NCOA7: variants seen among roughly 807,000 people sequenced by gnomAD.
NCOA7 encodes nuclear receptor coactivator 7, also known as 140 kDa estrogen receptor-associated protein.
NCOA7 carries 45 observed loss-of-function variants against 104.3 expected under a neutral mutation model. The observed-to-expected ratio is 0.43, with a 90% confidence interval of 0.34 to 0.55. NCOA7 has a LOEUF of 0.55. Ranked by LOEUF, NCOA7 falls within the 20% of genes least tolerant of loss-of-function variation. The pLI, the probability that NCOA7 is intolerant of heterozygous loss-of-function variation, is 0.02. For missense variants in NCOA7, 1,041 were observed against 1,119.7 expected (o/e 0.93, Z 1.00); for synonymous variants, 398 against 402.3 (o/e 0.99, Z 0.13).
Position 125,885,310 on chromosome 6 carries a change from T to A in NCOA7, c.851T>A (p.Ile284Asn). The A allele has an allele frequency of 6.2e-7, 1 of 1,613,876 alleles. No homozygotes were observed. The highest frequency in any genetic ancestry group is 8.5e-7 in the Non-Finnish European group (1 of 1,179,826). The stretch of plus-strand genomic sequence containing the variant: ...GTTTCCATTGCGCTCTACAATGACA[T>A]TTCTCACATGAAGATCAAAGATGCC... ...EVVSIALYNDISHMKIKDALP... is the reference protein window; with the variant it reads ...EVVSIALYNDNSHMKIKDALP... The change falls in exon 8 of 16, where the codon ATT becomes AAT. Residue 284 changes from isoleucine (I) to asparagine (N), a missense_variant. Physicochemically the swap from Ile to Asn is moderately radical, Grantham distance 149. This residue lies in a region of NCOA7 where 914 missense variants were observed against 942.7 expected (regional missense o/e 0.97). Transcript: ENST00000392477.
intron 10 of NCOA7, among the ~76,000 whole-genome samples, chr6:125,911,989 G>A (rs1241642764): frequency 6.6e-6 from 1 of 152,218 alleles, no homozygotes; most frequent in Non-Finnish European, 1.5e-5. Flanking sequence ...TGAAACATTC[G>A]TTAACTCGGT....
chr6:125,884,881 C>G (rs1784132251), intron 7 of NCOA7, among the ~76,000 whole-genome samples: 1 of 152,166 alleles, frequency 6.6e-6, no homozygotes, highest in African/African-American at 2.4e-5. Flanking sequence ...CATGTGAGAA[C>G]CAGGATCACT....
chr6:125,840,228 T>C (rs1780001617), intron 2 of NCOA7, among the ~76,000 whole-genome samples: 2 of 152,090 alleles, frequency 1.3e-5, no homozygotes, highest in African/African-American at 2.4e-5. Flanking sequence ...AAAAAGCTTA[T>C]AGAATAAGCA....
chr6:125,815,312 AAG>A lies in NCOA7; in HGVS notation c.-40_-39del, dbSNP rs751377483. 8 of 1,509,166 alleles carry A rather than the reference AAG, an allele frequency of 5.3e-6. No homozygotes were observed. The highest frequency in any genetic ancestry group is 1.7e-4 in the Middle Eastern group (1 of 5,872). The allele number at this position is 1,509,166 out of a possible 1,614,324, so 93.5% of individuals were successfully genotyped here. On this transcript the variant is annotated 5_prime_UTR_variant, in exon 2 of 16. Coordinates refer to ENST00000392477, the MANE Select transcript of NCOA7 (RefSeq NM_181782.5). ...ACAGGGTTACGACTCACTGATTAAAAAGAGGGACTTTTTCAAATACTTTGCAC... is the reference window on the plus strand; with the variant it reads ...ACAGGGTTACGACTCACTGATTAAAAAGGGACTTTTTCAAATACTTTGCAC...
At chr6:125,914,295 G>A (rs1050658868) in intron 10 of NCOA7, among the ~76,000 whole-genome samples, 2 of 152,208 alleles carry the variant, frequency 1.3e-5, no homozygotes, top group Admixed American at 1.3e-4. Flanking sequence ...GACTAGCAAT[G>A]TGGTAAAAGT....
At chr6:125,901,120 C>A (rs1252923432) in intron 10 of NCOA7, among the ~76,000 whole-genome samples, 3 of 152,216 alleles carry the variant, frequency 2.0e-5, no homozygotes, top group African/African-American at 7.2e-5. Flanking sequence ...CATGCATATG[C>A]GTTTCAGTAC....
chr6:125,923,878 A>G (rs1243629809), intron 13 of NCOA7, among the ~76,000 whole-genome samples: 1 of 152,232 alleles, frequency 6.6e-6, no homozygotes, highest in Non-Finnish European at 1.5e-5. Context: ...GGGAAAAATT[A>G]GGGAACAAAT....
intron 1 of NCOA7, among the ~76,000 whole-genome samples, chr6:125,794,722 A>G (rs1004959008): frequency 1.3e-5 from 2 of 152,228 alleles, no homozygotes; most frequent in Non-Finnish European, 2.9e-5. Flanking sequence ...ACAATGTTAC[A>G]TAGTTTTACA....
In NCOA7 at chr6:125,827,475, G is replaced by A. The variant is rs186270590; in HGVS notation, c.50+12071G>A. Among the ~76,000 whole-genome samples, 663 of 152,198 alleles carry A rather than the reference G, an allele frequency of 4.4e-3. 4 individuals carry two copies. The highest frequency in any genetic ancestry group is 5.8e-3 in the Non-Finnish European group (392 of 68,016). On this transcript the variant is annotated intron_variant, in intron 2 of 15. Transcript: ENST00000392477. ...AATCCATATGTCATTATAAATGGCT[G>A]TATTTGCTGTGAGGGAAAGCAACAA...
chr6:125,871,406 A>G (rs1451331230), intron 3 of NCOA7, among the ~76,000 whole-genome samples: 3 of 152,260 alleles, frequency 2.0e-5, no homozygotes, highest in African/African-American at 7.2e-5. Context: ...ACCCAGTCCC[A>G]GACACACAGG....
At chr6:125,884,734 C>A (rs746716000) in intron 7 of NCOA7, among the ~76,000 whole-genome samples, 5 of 152,206 alleles carry the variant, frequency 3.3e-5, no homozygotes, top group Admixed American at 6.5e-5. Flanking sequence ...TAGCACAGAA[C>A]CATGCACTTG....
chr6:125,842,975 A>T (rs1780300516), intron 2 of NCOA7, among the ~76,000 whole-genome samples: 1 of 152,202 alleles, frequency 6.6e-6, no homozygotes, highest in African/African-American at 2.4e-5. Context: ...CACTAATGTG[A>T]TATGATGCTC....
chr6:125,833,388 A>C (rs1779343507), intron 2 of NCOA7, among the ~76,000 whole-genome samples: 1 of 152,030 alleles, frequency 6.6e-6, no homozygotes, highest in African/African-American at 2.4e-5. Flanking sequence ...GGAGTTTGAG[A>C]CCAGCCTGGC....
rs1443026840 is a variant in NCOA7, at chr6:125,830,755, G to GTA, written c.50+15352_50+15353insAT. Among the ~76,000 whole-genome samples, 7 of 147,974 alleles carry GTA rather than the reference G, an allele frequency of 4.7e-5. No homozygotes were observed. In the South Asian group the frequency reaches 1.1e-3, roughly 22 times the overall value. On this transcript the variant is annotated intron_variant, in intron 2 of 15. Transcript: ENST00000392477. ...TATATATATGTGTGTGTGTGTGTGT[G>GTA]TGTGTATGTGTGTGTGTGTGTGTGT...
intron 2 of NCOA7, among the ~76,000 whole-genome samples, chr6:125,833,080 T>A (rs1441676159): frequency 6.6e-6 from 1 of 152,234 alleles, no homozygotes; most frequent in African/African-American, 2.4e-5. Flanking sequence ...AAAATAAAAC[T>A]TCTGCTCCAG....
At chr6:125,805,331 G>T (rs1384645514) in intron 1 of NCOA7, among the ~76,000 whole-genome samples, 1 of 151,980 alleles carries the variant, frequency 6.6e-6, no homozygotes, top group Non-Finnish European at 1.5e-5. Context: ...CTGACCTCAG[G>T]TGATCCACCC....
chr6:125,814,303 C>T (rs993130489), intron 1 of NCOA7, among the ~76,000 whole-genome samples: 1 of 152,138 alleles, frequency 6.6e-6, no homozygotes, highest in African/African-American at 2.4e-5. Flanking sequence ...TGCAGGCGTG[C>T]ACCACCATGC....
intron 3 of NCOA7, among the ~76,000 whole-genome samples, chr6:125,866,718 C>T (rs1306710323): frequency 6.6e-6 from 1 of 152,148 alleles, no homozygotes; most frequent in East Asian, 1.9e-4. Context: ...GGAAATCCAG[C>T]CTCCTCTCAT....
chr6:125,841,313 T>C (rs1372397780), intron 2 of NCOA7, among the ~76,000 whole-genome samples: 2 of 152,198 alleles, frequency 1.3e-5, no homozygotes, highest in African/African-American at 4.8e-5. Flanking sequence ...TTCTACCATA[T>C]AGCCTAGGTG....
Sources: gnomAD v4.1 joint callset for allele counts (sites outside exome capture counted in the v4.1 genomes callset) on GRCh38, gnomAD v4.1.1 for gene constraint, gnomAD v4.1.1 regional missense constraint, MANE v1.5 for transcripts, NCBI Gene and HGNC (gene_info 2026-07-23, HGNC 2026-07-21) for gene names.